Variants in SCMH1 observed in about 807,000 individuals in gnomAD.
SCMH1 encodes Scm polycomb group protein homolog 1, also known as polycomb protein SCMH1.
Under a neutral mutation model 70.8 loss-of-function variants are expected in SCMH1, and 37 were observed. The ratio of observed to expected loss-of-function variants is 0.52; its 90% confidence interval spans 0.40 to 0.69. The LOEUF is 0.69. Ranked by LOEUF, SCMH1 falls within the 30% of genes least tolerant of loss-of-function variation. The pLI, the probability that SCMH1 is intolerant of heterozygous loss-of-function variation, is 0.00. For missense variants in SCMH1, 607 were observed against 827.3 expected (o/e 0.73, Z 3.27); for synonymous variants, 292 against 307.4 (o/e 0.95, Z 0.52).
chr1:41,155,058 C>G (rs1645397675), intron 4 of SCMH1, among the ~76,000 whole-genome samples: 1 of 152,122 alleles, frequency 6.6e-6, no homozygotes, highest in Non-Finnish European at 1.5e-5. Context: ...TGGACAGATA[C>G]TCTTCAGAGG....
At chr1:41,242,235 G>GGGGGCTCCCCCGGCCC (rs1663757286), upstream of SCMH1, 4 of 144,424 alleles carry the variant, frequency 2.8e-5, no homozygotes, top group South Asian at 2.0e-4. This position sits in a 1 kb window ranked among gnomAD's most constrained non-coding sequence, Gnocchi z 5.2. Flanking sequence ...GGGGCGGGGC[G>GGGGGCTCCCCCGGCCC]GGGGCTCCCC....
rs752383337 is a variant in SCMH1 at position 41,113,232 on chromosome 1, C to G, written c.745+51G>C. The G allele has an allele frequency of 6.3e-7, 1 of 1,584,402 alleles. No homozygotes were observed. The highest frequency in any genetic ancestry group is 1.8e-5 in the Admixed American group (1 of 56,212). ...TATGATCATGACAGCCCTGGGTAGT[C>G]TCCCTTATCATCTGGGTCCTGATTT... On this transcript the variant is annotated intron_variant, in intron 8 of 14. Transcript: ENST00000337495. The surrounding 1 kb of genome is among the most constrained non-coding windows in gnomAD (Gnocchi z 4.3).
rs139499497 is a variant in SCMH1, at chr1:41,091,421, C to A, written c.746-15970G>T. Among the ~76,000 whole-genome samples, 1,016 of 152,248 alleles carry A rather than the reference C, an allele frequency of 6.7e-3. 15 individuals are homozygous for A. Among genetic ancestry groups the A allele is most frequent in the African/African-American group, 0.024 (978 of 41,526 alleles). On this transcript the variant is annotated intron_variant, in intron 8 of 14. Coordinates refer to ENST00000337495, the Ensembl canonical transcript of SCMH1. The stretch of plus-strand genomic sequence containing the variant: ...AGAGTTATTTATGACAAACCCACAG[C>A]CAATATCATACTGAATGAGCAAAAA...
At chr1:41,108,448 G>T (rs964657687) in intron 8 of SCMH1, among the ~76,000 whole-genome samples, 3 of 152,210 alleles carry the variant, frequency 2.0e-5, no homozygotes, top group African/African-American at 7.2e-5. Flanking sequence ...CATGCCATAT[G>T]TACTGAATTC....
In SCMH1 at chr1:41,070,735, T is replaced by TG. The variant is rs775574289; in HGVS notation, c.979-15dup. 1.5e-5 allele frequency: 24 copies of TG among 1,613,174 alleles called. No homozygotes were observed. Among genetic ancestry groups the TG allele is most frequent in the Middle Eastern group, 1.6e-4 (1 of 6,080 alleles). On this transcript the variant is annotated splice_polypyrimidine_tract_variant and intron_variant, in intron 9 of 14. Transcript: ENST00000337495. ...CCGAGGTTTCCTCTGTCAAAATGAA[T>TG]GGGAAAAAAATTGCTACCCATGACA...
At position 41,058,378 on chromosome 1, in the gene SCMH1, GTTTTTTT is replaced by G. The variant is rs548733204; in HGVS notation, c.1106-9495_1106-9489del. 9.8e-5 allele frequency among the ~76,000 whole-genome samples: 8 copies of G among 81,640 alleles called. 1 individual carries two copies. The highest frequency in any genetic ancestry group is 1.1e-3 in the East Asian group (2 of 1,872). 53.6% of individuals were successfully genotyped at this position (81,640 alleles called of 152,430 possible). A position where few individuals can be genotyped will look rare whatever the true frequency, so the allele number is the denominator to read the frequency against. Reference sequence around the variant, plus strand: ...TTAGTATTTATACATTTTCTTTCTTGTTTTTTTTTTTTTTTTTTTTTTGAGACAGTCT... The same window carrying G: ...TTAGTATTTATACATTTTCTTTCTTGTTTTTTTTTTTTTTTGAGACAGTCT... On this transcript the variant is annotated intron_variant, in intron 10 of 14. Coordinates refer to ENST00000337495, the Ensembl canonical transcript of SCMH1.
intron 8 of SCMH1, among the ~76,000 whole-genome samples, chr1:41,087,923 T>A (rs11209492): frequency 4.5e-4 from 2 of 4,462 alleles, no homozygotes; most frequent in South Asian, 0.018. Flanking sequence ...ATCTATACAC[T>A]ATATATAGTT....
chr1:41,139,295 C>T (rs1226984268), intron 6 of SCMH1, among the ~76,000 whole-genome samples: 1 of 152,132 alleles, frequency 6.6e-6, no homozygotes, highest in Non-Finnish European at 1.5e-5. Flanking sequence ...CCCCATTGTT[C>T]TCTCCCTTTT....
At chr1:41,214,037 A>G (rs2148814263) in intron 1 of SCMH1, among the ~76,000 whole-genome samples, 1 of 152,270 alleles carries the variant, frequency 6.6e-6, no homozygotes, top group Admixed American at 6.5e-5. Flanking sequence ...TATAAAGACC[A>G]TCTCATCACA....
intron 2 of SCMH1, among the ~76,000 whole-genome samples, chr1:41,163,231 T>TG (rs56695323): frequency 1 from 152,275 of 152,276 alleles, 76,137 homozygotes; most frequent in Non-Finnish European, 1. Flanking sequence ...GCATCCATGC[T>TG]GCACCTGGAG....
chr1:41,151,737 T>G, intron 4 of SCMH1, 53 bp from the exon 5 acceptor site: 1 of 1,340,572 alleles, frequency 7.5e-7, no homozygotes, highest in Non-Finnish European at 1.1e-6. Context: ...AAAAAATGTT[T>G]TCAGGGTATA....
intron 1 of SCMH1, among the ~76,000 whole-genome samples, chr1:41,219,344 T>C (rs1359818299): frequency 6.6e-6 from 1 of 152,206 alleles, no homozygotes; most frequent in Non-Finnish European, 1.5e-5. Flanking sequence ...TTCCAGTGAA[T>C]TGTCAAACCT....
intron 6 of SCMH1, among the ~76,000 whole-genome samples, chr1:41,133,222 G>A (rs1313526016): frequency 2.6e-5 from 4 of 152,140 alleles, no homozygotes; most frequent in Non-Finnish European, 2.9e-5. Context: ...TCGTTGAGCA[G>A]TGGTTTGTAG....
chr1:41,100,302 G>A (rs973723145), intron 8 of SCMH1, among the ~76,000 whole-genome samples: 6 of 151,898 alleles, frequency 4.0e-5, no homozygotes, highest in East Asian at 1.9e-4. Context: ...GTGAGATCTC[G>A]TCTCTAACAA....
intron 8 of SCMH1, among the ~76,000 whole-genome samples, chr1:41,109,691 C>T (rs1668798032): frequency 1.3e-5 from 2 of 152,142 alleles, no homozygotes; most frequent in African/African-American, 4.8e-5. Flanking sequence ...GTCCTCTGAC[C>T]ATCTTCTGTT....
At chr1:41,033,602 A>G (rs1644857440) in intron 13 of SCMH1, among the ~76,000 whole-genome samples, 2 of 152,132 alleles carry the variant, frequency 1.3e-5, no homozygotes, top group African/African-American at 4.8e-5. Flanking sequence ...CTCTTCAAGG[A>G]GGGCTTGTTG....
intron 2 of SCMH1, among the ~76,000 whole-genome samples, chr1:41,182,977 A>G (rs953801080): frequency 2.0e-4 from 31 of 152,194 alleles, no homozygotes; most frequent in African/African-American, 7.5e-4. Context: ...GTCACCTATC[A>G]TTTTTTCAAA....
At chr1:41,235,293 A>G (rs903659319) in intron 1 of SCMH1, among the ~76,000 whole-genome samples, 12 of 152,082 alleles carry the variant, frequency 7.9e-5, no homozygotes, top group Non-Finnish European at 1.8e-4. Context: ...GCTCATAACA[A>G]GAGTGGAATG....
At chr1:41,120,402 T>C (rs1018351153) in intron 6 of SCMH1, among the ~76,000 whole-genome samples, 3 of 152,164 alleles carry the variant, frequency 2.0e-5, no homozygotes, top group African/African-American at 7.2e-5. Context: ...ACTCTACAGA[T>C]GATAAAAAAT....
Sources: gnomAD v4.1 joint callset for allele counts (sites outside exome capture counted in the v4.1 genomes callset) on GRCh38, gnomAD v4.1.1 for gene constraint, Gnocchi (gnomAD v3.1) non-coding constraint, MANE v1.5 for transcripts, NCBI Gene and HGNC (gene_info 2026-07-23, HGNC 2026-07-21) for gene names.